Variants in EXOC3L2 observed in about 807,000 individuals in gnomAD.
The protein encoded by EXOC3L2 is exocyst complex component 3 like 2, also known as exocyst complex component 3-like protein 2.
EXOC3L2 carries 17 observed loss-of-function variants against 44.4 expected under a neutral mutation model. The observed-to-expected ratio is 0.38, with a 90% CI of 0.26 to 0.57. The LOEUF is 0.57. Among genes scored for constraint, EXOC3L2 ranks in the 20% least tolerant of loss-of-function variants. The pLI is 0.65. For missense variants in EXOC3L2, 541 were observed against 588.4 expected (o/e 0.92, Z 0.83); for synonymous variants, 256 against 253.7 (o/e 1.01, Z -0.09).
At chr19:45,233,963 C>T (rs1489972168) in intron 3 of EXOC3L2, among the ~76,000 whole-genome samples, 1 of 152,180 alleles carries the variant, frequency 6.6e-6, no homozygotes, top group African/African-American at 2.4e-5. Context: ...AGCTCTTATT[C>T]TAGGACTGCA....
intron 2 of EXOC3L2, among the ~76,000 whole-genome samples, chr19:45,235,724 ATCCGTT>A: frequency 6.6e-6 from 1 of 152,142 alleles, no homozygotes; most frequent in African/African-American, 2.4e-5. Context: ...ATTTCTGCCC[ATCCGTT>A]TCCAGAAGGC....
chr19:45,236,850 A>T (rs1157325484), intron 2 of EXOC3L2, among the ~76,000 whole-genome samples: 1 of 151,362 alleles, frequency 6.6e-6, no homozygotes, highest in East Asian at 2.0e-4. Flanking sequence ...TACAAAAAAA[A>T]TTTAGCCAGG....
At chr19:45,241,477 CAAAAAAA>C (rs554632176) in intron 1 of EXOC3L2, among the ~76,000 whole-genome samples, 1 of 94,856 alleles carries the variant, frequency 1.1e-5, no homozygotes, top group Non-Finnish European at 2.0e-5. Flanking sequence ...GACTCCATCT[CAAAAAAA>C]AAAAAAAAAA....
At position 45,223,479 on chromosome 19, in the gene EXOC3L2, AGTACAGGTGTGTGCT is replaced by A. The variant is rs1035850565; in HGVS notation, c.1719+1284_1719+1298del. ...TGCCTCAGCCTCCAGAGTAGCTGGG[AGTACAGGTGTGTGCT>A]GCCACACCTGGCTAATTTTTGTAAT... On this transcript the variant is annotated intron_variant, in intron 8 of 11. Coordinates refer to ENST00000413988, the MANE Select transcript of EXOC3L2 (RefSeq NM_001382422.1). Among the ~76,000 whole-genome samples the A allele has an allele frequency of 2.0e-5, 3 of 151,786 alleles. No homozygotes were observed. The East Asian group carries it at 5.9e-4, about 30-fold the overall frequency.
intron 11 of EXOC3L2, among the ~76,000 whole-genome samples, chr19:45,213,771 CCTCT>C (rs1323032446): frequency 2.0e-5 from 3 of 151,452 alleles, no homozygotes; most frequent in African/African-American, 7.3e-5. Flanking sequence ...ATGGCGAAAC[CCTCT>C]CTCTACTAAA....
At position 45,228,846 on chromosome 19, in the gene EXOC3L2, T is replaced by C. The variant is rs544281593; in HGVS notation, c.1270-580A>G. On this transcript the variant is annotated intron_variant, in intron 4 of 11. Transcript: ENST00000413988. ...CAGCACTTTGGGAGGTCGAGGCGGG[T>C]GGATCACGAGGTCAGGAGATGGAGA... Among the ~76,000 whole-genome samples, 1,258 of 146,638 alleles carry C rather than the reference T, an allele frequency of 8.6e-3. 7 individuals are homozygous for C. Among genetic ancestry groups the C allele is most frequent in the Non-Finnish European group, 0.014 (934 of 67,066 alleles).
chr19:45,234,628 A>G lies in EXOC3L2; in HGVS notation c.722T>C (p.Leu241Pro). The part of the protein sequence containing the change: ...YEALQRELWA[L>P]VRETLAGPGP... ...GGGGCCCGCCAGCGTCTCGCGCACCAGCGCCCACAGCTCGCGCTGCAGGGC... is the reference window on the plus strand; with the variant it reads ...GGGGCCCGCCAGCGTCTCGCGCACCGGCGCCCACAGCTCGCGCTGCAGGGC... Residue 241 changes from leucine to proline, a missense_variant, in exon 3 of 12, where the codon CTG (leucine) becomes CCG (proline). Leu to Pro is a moderately conservative substitution (Grantham distance 98). Transcript: ENST00000413988. This position sits in a 1 kb window ranked among gnomAD's most constrained non-coding sequence, Gnocchi z 5.0. 1 of 342,850 alleles carries G rather than the reference A, an allele frequency of 2.9e-6. No homozygotes were observed. 21.2% of individuals were successfully genotyped at this position (342,850 alleles called of 1,614,324 possible).
chr19:45,228,407 C>T (rs1969990920), intron 4 of EXOC3L2, 141 bp from the exon 5 acceptor site: 1 of 709,138 alleles, frequency 1.4e-6, no homozygotes, highest in Non-Finnish European at 2.3e-6. Flanking sequence ...CAAGGTGATG[C>T]TGGGGAGGGA....
chr19:45,214,183 C>T (rs930231004), intron 11 of EXOC3L2, among the ~76,000 whole-genome samples: 3 of 152,174 alleles, frequency 2.0e-5, no homozygotes, highest in Non-Finnish European at 4.4e-5. Flanking sequence ...GAATATGTGC[C>T]TTCCCAAGGA....
Position 45,227,336 on chromosome 19 carries a change from T to C in EXOC3L2, c.1583+326A>G, listed in dbSNP as rs182375409. Among the ~76,000 whole-genome samples, 532 of 151,722 alleles carry C rather than the reference T, an allele frequency of 3.5e-3. 5 individuals carry two copies. Among genetic ancestry groups the C allele is most frequent in the African/African-American group, 0.012 (509 of 41,338 alleles). ...CGGGGTTTCACCGTGTTAGCCAGGA[T>C]GGTCTCGATCTCCTGACCTCGTGAC... On this transcript the variant is annotated intron_variant, in intron 7 of 11. Coordinates refer to ENST00000413988, the MANE Select transcript of EXOC3L2 (RefSeq NM_001382422.1).
intron 7 of EXOC3L2, among the ~76,000 whole-genome samples, 164 bp from the exon 8 acceptor site, chr19:45,225,077 G>A (rs959272754): frequency 6.6e-6 from 1 of 150,812 alleles, no homozygotes; most frequent in African/African-American, 2.5e-5. Flanking sequence ...ATGCTTGACA[G>A]GTTGGGGGTG....
At chr19:45,243,491 G>A (rs998081719) in intron 1 of EXOC3L2, among the ~76,000 whole-genome samples, 1 of 152,088 alleles carries the variant, frequency 6.6e-6, no homozygotes, top group African/African-American at 2.4e-5. Flanking sequence ...AAACGCTCTC[G>A]GACCTCCTTC....
chr19:45,213,793 TAA>T (rs376637056), intron 11 of EXOC3L2, among the ~76,000 whole-genome samples: 13 of 134,618 alleles, frequency 9.7e-5, no homozygotes, highest in African/African-American at 1.6e-4. Flanking sequence ...AAAAATACAT[TAA>T]AAAAAAAAAA....
chr19:45,226,307 A>G (rs148814104), intron 7 of EXOC3L2, among the ~76,000 whole-genome samples: 2,223 of 152,310 alleles, frequency 0.015, 179 homozygotes, highest in Admixed American at 0.13. Context: ...CTACAATGAT[A>G]GGAAATGGGA....
rs1599768815 is a variant in EXOC3L2, at chr19:45,238,405, G to T, written c.523+118C>A. 1 of 399,148 alleles carries T rather than the reference G, an allele frequency of 2.5e-6. No homozygotes were observed. The highest frequency in any genetic ancestry group is 4.4e-6 in the Non-Finnish European group (1 of 226,168). 24.7% of individuals were successfully genotyped at this position (399,148 alleles called of 1,614,324 possible). A position where few individuals can be genotyped will look rare whatever the true frequency, so the allele number is the denominator to read the frequency against. On this transcript the variant is annotated intron_variant, in intron 2 of 11. Coordinates refer to ENST00000413988, the MANE Select transcript of EXOC3L2 (RefSeq NM_001382422.1). This position sits in a 1 kb window ranked among gnomAD's most constrained non-coding sequence, Gnocchi z 5.5. ...TGTGAGTTAGACATGTGAATTGCAG[G>T]TCGGGGTCACAGGTGGTAGCTGGGA...
At chr19:45,222,400 C>CA (rs1200665166) in intron 8 of EXOC3L2, among the ~76,000 whole-genome samples, 1 of 151,814 alleles carries the variant, frequency 6.6e-6, no homozygotes, top group Non-Finnish European at 1.5e-5. Context: ...GGGGTTTCAC[C>CA]ATGTTGGCCA....
intron 11 of EXOC3L2, among the ~76,000 whole-genome samples, chr19:45,215,243 G>C (rs1033156513): frequency 4.6e-5 from 7 of 152,176 alleles, no homozygotes; most frequent in Non-Finnish European, 8.8e-5. Context: ...AGCCGAGGCA[G>C]GCAGATCACT....
At chr19:45,227,597 G>C (rs1969978487) in intron 7 of EXOC3L2, 65 bp downstream of exon 7, 7 of 1,396,492 alleles carry the variant, frequency 5.0e-6, no homozygotes, top group Non-Finnish European at 7.0e-6. Context: ...CCCAGGATCC[G>C]GGCATCCCAG....
Position 45,213,332 on chromosome 19 carries a change from C to G in EXOC3L2, c.2146G>C (p.Asp716His), listed in dbSNP as rs756258972. The G allele has an allele frequency of 6.2e-7, 1 of 1,613,314 alleles. No individual in the cohort carries two copies. The highest frequency in any genetic ancestry group is 1.3e-5 in the African/African-American group (1 of 74,860). Residue 716 changes from aspartate to histidine, a missense_variant, in exon 12 of 12, where the codon GAC (aspartate) becomes CAC (histidine). Coordinates refer to ENST00000413988, the MANE Select transcript of EXOC3L2 (RefSeq NM_001382422.1). Reference protein sequence around the residue: ...IRQKHVAALLDIRGLRNTAAR... With the variant: ...IRQKHVAALLHIRGLRNTAAR... ...GCTGTGTTGCGCAGGCCACGGATGT[C>G]GAGGAGGGCTGCCACGTGCTTCTGC...
Sources: gnomAD v4.1 joint callset for allele counts (sites outside exome capture counted in the v4.1 genomes callset) on GRCh38, gnomAD v4.1.1 for gene constraint, Gnocchi (gnomAD v3.1) non-coding constraint, MANE v1.5 for transcripts, NCBI Gene and HGNC (gene_info 2026-07-23, HGNC 2026-07-21) for gene names.